XPR1: variants seen among roughly 807,000 people sequenced by gnomAD.
XPR1 encodes the protein solute carrier family 53 member 1.
A neutral mutation model predicts 87.5 loss-of-function variants in XPR1; 28 were observed. That is an observed-to-expected ratio of 0.32 (90% CI 0.24 to 0.44). XPR1 has a LOEUF of 0.44. Among genes scored for constraint, XPR1 ranks in the 20% least tolerant of loss-of-function variants. The probability of loss-of-function intolerance (pLI) is 1.00; values close to 1 mark genes in which losing one functional copy is unlikely to be tolerated. For synonymous variants in XPR1, 300 were observed against 306.1 expected (o/e 0.98, Z 0.21); for missense variants, 559 against 862.3 (o/e 0.65, Z 4.41).
intron 2 of XPR1, among the ~76,000 whole-genome samples, chr1:180,734,063 G>C (rs1304635264): frequency 6.6e-6 from 1 of 152,184 alleles, no homozygotes; most frequent in African/African-American, 2.4e-5. Flanking sequence ...TAATAAGAAA[G>C]AGGCAGAGCC....
chr1:180,799,408 T>C (rs1181316507), intron 3 of XPR1, among the ~76,000 whole-genome samples: 2 of 152,216 alleles, frequency 1.3e-5, no homozygotes, highest in Non-Finnish European at 2.9e-5. Flanking sequence ...ACTTTTCTGT[T>C]AGGCCATTGA....
At chr1:180,810,789 GTGTATATA>G (rs1478796374) in intron 6 of XPR1, among the ~76,000 whole-genome samples, 4 of 151,134 alleles carry the variant, frequency 2.6e-5, no homozygotes, top group Non-Finnish European at 4.4e-5. Flanking sequence ...ATATATATAT[GTGTATATA>G]TGTATATATG....
intron 12 of XPR1, among the ~76,000 whole-genome samples, chr1:180,868,619 T>C (rs1168486814): frequency 7.6e-6 from 1 of 131,924 alleles, no homozygotes; most frequent in Non-Finnish European, 1.6e-5. Context: ...TCTGTTTGTC[T>C]GTTGTTGGTG....
chr1:180,683,872 AGAT>A (rs911505894), intron 2 of XPR1, among the ~76,000 whole-genome samples: 9 of 152,038 alleles, frequency 5.9e-5, no homozygotes, highest in African/African-American at 2.2e-4. Context: ...GCCCTTTGTC[AGAT>A]GAGCAGGTTG....
At chr1:180,806,034 T>C (rs1649973859) in intron 4 of XPR1, 28 bp from the exon 5 acceptor site, 1 of 1,605,832 alleles carries the variant, frequency 6.2e-7, no homozygotes, top group Non-Finnish European at 8.5e-7. Context: ...GTAGAAATTA[T>C]AGTTGTGTTT....
At chr1:180,647,471 G>A (rs1655155904) in intron 1 of XPR1, among the ~76,000 whole-genome samples, 1 of 152,204 alleles carries the variant, frequency 6.6e-6, no homozygotes, top group Non-Finnish European at 1.5e-5. Context: ...ACGTCGTTAT[G>A]CTGTGCATGA....
rs1652970108 is a variant in XPR1 at position 180,885,058 on chromosome 1, C to G, written c.*992C>G. On this transcript the variant is annotated 3_prime_UTR_variant, in exon 15 of 15. Transcript: ENST00000367590. The stretch of plus-strand genomic sequence containing the variant: ...CATATTTCAACCTTAACAGCTGAAG[C>G]TATGCCTTATTATGCATCCACATGT... The G allele has an allele frequency of 6.6e-6, 1 of 152,576 alleles. No homozygotes were observed. Among genetic ancestry groups the G allele is most frequent in the South Asian group, 2.1e-4 (1 of 4,838 alleles). 9.5% of individuals were successfully genotyped at this position (152,576 alleles called of 1,614,324 possible). A position where few individuals can be genotyped will look rare whatever the true frequency, so the allele number is the denominator to read the frequency against.
chr1:180,862,179 TA>T lies in XPR1; in HGVS notation c.1502-1528del, dbSNP rs201618683. 9.8e-3 allele frequency among the ~76,000 whole-genome samples: 1,495 copies of T among 152,164 alleles called. 19 individuals carry two copies. Among genetic ancestry groups the T allele is most frequent in the African/African-American group, 0.033 (1,368 of 41,520 alleles). On this transcript the variant is annotated intron_variant, in intron 11 of 14. Transcript: ENST00000367590. ...CACAACACTGAAGCTCCAAGGCAAC[TA>T]TTTTTTTTTTAACTAATTGATTGCA...
intron 2 of XPR1, among the ~76,000 whole-genome samples, chr1:180,691,439 C>T (rs576372141): frequency 1.3e-5 from 2 of 152,176 alleles, no homozygotes; most frequent in African/African-American, 4.8e-5. Flanking sequence ...ACAATACATT[C>T]CTTTTGATGG....
intron 1 of XPR1, among the ~76,000 whole-genome samples, chr1:180,668,216 C>T (rs1229347525): frequency 6.6e-6 from 1 of 150,456 alleles, no homozygotes; most frequent in Non-Finnish European, 1.5e-5. Context: ...GCAACCTCCA[C>T]CTTCTGGGCT....
At chr1:180,653,442 A>G (rs892659025) in intron 1 of XPR1, among the ~76,000 whole-genome samples, 16 of 152,222 alleles carry the variant, frequency 1.1e-4, no homozygotes. Context: ...ACTTCAAATT[A>G]GTGGGCTATT....
chr1:180,682,833 CGT>C lies in XPR1; in HGVS notation c.121+441_121+442del, dbSNP rs571473950. On this transcript the variant is annotated intron_variant, in intron 2 of 14. Coordinates refer to ENST00000367590, the MANE Select transcript of XPR1 (RefSeq NM_004736.4). The stretch of plus-strand genomic sequence containing the variant: ...TTTACAATGGATGTGTGTGTGTGTG[CGT>C]GTGTGTGTGTGTGTGTGTAAGCATG... Among the ~76,000 whole-genome samples, 452 of 145,836 alleles carry C rather than the reference CGT, an allele frequency of 3.1e-3. 1 individual carries two copies. Among genetic ancestry groups the C allele is most frequent in the African/African-American group, 7.1e-3 (283 of 39,906 alleles).
chr1:180,777,171 T>A (rs1341090434), intron 2 of XPR1, among the ~76,000 whole-genome samples: 1 of 152,174 alleles, frequency 6.6e-6, no homozygotes, highest in Non-Finnish European at 1.5e-5. Context: ...ACCTACTGAT[T>A]TTACCTCCAG....
At chr1:180,762,334 A>C (rs1383679147) in intron 2 of XPR1, among the ~76,000 whole-genome samples, 3 of 151,996 alleles carry the variant, frequency 2.0e-5, no homozygotes, top group Admixed American at 2.0e-4. Flanking sequence ...CCTCAATAAA[A>C]CATGAAGAAG....
intron 1 of XPR1, among the ~76,000 whole-genome samples, chr1:180,664,054 G>A (rs1357635884): frequency 6.6e-6 from 1 of 152,138 alleles, no homozygotes; most frequent in Non-Finnish European, 1.5e-5. Context: ...TCTGGCACAG[G>A]GTAGGTCTAG....
intron 2 of XPR1, among the ~76,000 whole-genome samples, chr1:180,773,263 G>C (rs61811195): frequency 1.1e-4 from 16 of 152,194 alleles, no homozygotes; most frequent in Non-Finnish European, 1.9e-4. Context: ...ATGTTCAGAC[G>C]GGAGAACAAA....
At chr1:180,711,203 A>C (rs1657770962) in intron 2 of XPR1, among the ~76,000 whole-genome samples, 1 of 151,774 alleles carries the variant, frequency 6.6e-6, no homozygotes, top group East Asian at 1.9e-4. Context: ...CTCACTTCCC[A>C]GACAGGGTGG....
In XPR1 at chr1:180,841,113, G is replaced by GC. The variant is rs1231504758; in HGVS notation, c.1501+4397_1501+4398insC. Among the ~76,000 whole-genome samples, 6 of 151,328 alleles carry GC rather than the reference G, an allele frequency of 4.0e-5. No homozygotes were observed. In the East Asian group the frequency reaches 9.6e-4, roughly 24 times the overall value. On this transcript the variant is annotated intron_variant, in intron 11 of 14. Coordinates refer to ENST00000367590, the MANE Select transcript of XPR1 (RefSeq NM_004736.4). ...GTAAATTTTGTTTGTTTTTACCACA[G>GC]TTTTTTTTTAAAGGCATAAAAATAG...
chr1:180,805,986 T>A, intron 4 of XPR1, 76 bp from the exon 5 acceptor site: 1 of 1,479,884 alleles, frequency 6.8e-7, no homozygotes, highest in African/African-American at 1.4e-5. Context: ...GCTCTGTCAG[T>A]GCTTAGTGCT....
Sources: gnomAD v4.1 joint callset for allele counts (sites outside exome capture counted in the v4.1 genomes callset) on GRCh38, gnomAD v4.1.1 for gene constraint, MANE v1.5 for transcripts, NCBI Gene and HGNC (gene_info 2026-07-23, HGNC 2026-07-21) for gene names.